Variants in VRK1 observed in about 807,000 individuals in gnomAD.
VRK1 encodes VRK serine/threonine kinase 1.
A neutral mutation model predicts 57.1 loss-of-function variants in VRK1; 33 were observed. That is an observed-to-expected ratio of 0.58 (90% CI 0.44 to 0.77). The LOEUF is 0.77. VRK1 is among the 30% of genes least tolerant of loss of function. VRK1 has a pLI of 0.00. For missense variants in VRK1, 413 were observed against 477.3 expected (o/e 0.87, Z 1.25); for synonymous variants, 137 against 147.8 (o/e 0.93, Z 0.53).
chr14:96,872,440 G>A (rs10146571), intron 11 of VRK1, among the ~76,000 whole-genome samples: 95,241 of 151,994 alleles, frequency 0.63, 30,694 homozygotes, highest in African/African-American at 0.69. Context: ...GGGAACATAC[G>A]TAGTAGAAGA....
intron 10 of VRK1, among the ~76,000 whole-genome samples, chr14:96,859,878 A>T (rs1888315718): frequency 6.6e-6 from 1 of 152,188 alleles, no homozygotes; most frequent in Non-Finnish European, 1.5e-5. Context: ...AAGGACCAGT[A>T]TATGAAATGA....
At chr14:96,846,744 C>A (rs900638665) in intron 4 of VRK1, among the ~76,000 whole-genome samples, 35 of 147,528 alleles carry the variant, frequency 2.4e-4, no homozygotes, top group African/African-American at 7.7e-4. Context: ...TAAAAAATAA[C>A]AATTCAATAA....
chr14:96,878,252 T>A (rs1321003301), intron 12 of VRK1, among the ~76,000 whole-genome samples: 1 of 152,252 alleles, frequency 6.6e-6, no homozygotes, highest in Non-Finnish European at 1.5e-5. Context: ...TGTATATTTT[T>A]AAATTTATCA....
At chr14:96,862,917 G>C (rs1371946184) in intron 11 of VRK1, among the ~76,000 whole-genome samples, 1 of 152,080 alleles carries the variant, frequency 6.6e-6, no homozygotes, top group Admixed American at 6.6e-5. Context: ...TTTTGGAAAG[G>C]GGTAGGTTTA....
intron 11 of VRK1, among the ~76,000 whole-genome samples, chr14:96,862,444 T>A (rs184418017): frequency 6.2e-4 from 94 of 152,204 alleles, no homozygotes; most frequent in African/African-American, 2.2e-3. Context: ...TAATAAAAGT[T>A]AAGGTTAGGT....
At position 96,837,801 on chromosome 14, in the gene VRK1, C is replaced by A; in HGVS notation, c.200C>A (p.Pro67His). The A allele has an allele frequency of 6.4e-7, 1 of 1,556,096 alleles. No homozygotes were observed. The highest frequency in any genetic ancestry group is 1.3e-5 in the South Asian group (1 of 78,244). ...NSSESVGSDA[P>H]CVVKVEPSDN... The stretch of plus-strand genomic sequence containing the variant: ...TCAGAGTCAGTTGGCAGTGATGCAC[C>A]TTGTGTTGTAAAAGTGGTAAGAAAT... The change falls in exon 3 of 13, where the codon CCT becomes CAT. Residue 67 changes from proline (P) to histidine (H), a missense_variant. Physicochemically the swap from Pro to His is moderately conservative, Grantham distance 77. Coordinates refer to ENST00000216639, the MANE Select transcript of VRK1 (RefSeq NM_003384.3).
Position 96,860,578 on chromosome 14 carries a change from A to C in VRK1, c.911A>C (p.Glu304Ala). ...TTAGGTGAAATTGCCAAATACATGG[A>C]AACAGTGAAATTACTAGACTACACT... ...NKPGEIAKYM[E>A]TVKLLDYTEK... Residue 304 changes from glutamate to alanine, a missense_variant, in exon 11 of 13, where the codon GAA (glutamate) becomes GCA (alanine). Physicochemically the swap from Glu to Ala is moderately radical, Grantham distance 107. This residue lies in a region of VRK1 where 146 missense variants were observed against 138.2 expected (regional missense o/e 1.06). Coordinates refer to ENST00000216639, the MANE Select transcript of VRK1 (RefSeq NM_003384.3). 2 of 1,612,942 alleles carry C rather than the reference A, an allele frequency of 1.2e-6. No homozygotes were observed.
intron 1 of VRK1, among the ~76,000 whole-genome samples, chr14:96,816,752 T>A (rs1232863207): frequency 6.6e-6 from 1 of 151,264 alleles, no homozygotes; most frequent in Non-Finnish European, 1.5e-5. Context: ...AATGGGAAAT[T>A]TTACAGGACA....
At position 96,862,538 on chromosome 14, in the gene VRK1, A is replaced by G. The variant is rs142507501; in HGVS notation, c.1068+1803A>G. On this transcript the variant is annotated intron_variant, in intron 11 of 12. Coordinates refer to ENST00000216639, the MANE Select transcript of VRK1 (RefSeq NM_003384.3). ...TTTTTTTTTTTTGTAAAGTGAAAGA[A>G]CTGGACCAGACCAGTTTTTTTTCAA... Among the ~76,000 whole-genome samples the G allele has an allele frequency of 2.6e-5, 4 of 151,350 alleles. No individual in the cohort carries two copies. The East Asian group carries it at 7.8e-4, about 29-fold the overall frequency.
chr14:96,826,246 A>G (rs891707935), intron 1 of VRK1, among the ~76,000 whole-genome samples: 2 of 152,196 alleles, frequency 1.3e-5, no homozygotes, highest in African/African-American at 2.4e-5. Flanking sequence ...GCTGACTATT[A>G]ATTAGGGTAT....
chr14:96,842,850 C>T (rs1233427717), intron 3 of VRK1, among the ~76,000 whole-genome samples: 1 of 152,172 alleles, frequency 6.6e-6, no homozygotes, highest in Non-Finnish European at 1.5e-5. Flanking sequence ...AATCTTGTGG[C>T]TGGCACATTT....
At chr14:96,832,147 G>A (rs925406777) in intron 1 of VRK1, among the ~76,000 whole-genome samples, 4 of 151,990 alleles carry the variant, frequency 2.6e-5, no homozygotes, top group African/African-American at 9.7e-5. Context: ...AATTAATAAG[G>A]AACATTTTCA....
At chr14:96,818,193 CTG>C (rs1886464981) in intron 1 of VRK1, among the ~76,000 whole-genome samples, 1 of 152,198 alleles carries the variant, frequency 6.6e-6, no homozygotes, top group Non-Finnish European at 1.5e-5. Flanking sequence ...ATGTACCACA[CTG>C]TGCATTCTCA....
At chr14:96,857,723 C>CTCAGTTGTCTCCTTT (rs1248916621) in intron 10 of VRK1, among the ~76,000 whole-genome samples, 1 of 152,166 alleles carries the variant, frequency 6.6e-6, no homozygotes, top group Non-Finnish European at 1.5e-5. Flanking sequence ...TAAGCCTTTG[C>CTCAGTTGTCTCCTTT]TCAGTTGTCT....
In VRK1 at chr14:96,860,548, T is replaced by C; in HGVS notation, c.890-9T>C. On this transcript the variant is annotated splice_polypyrimidine_tract_variant and intron_variant, in intron 10 of 12. Coordinates refer to ENST00000216639, the MANE Select transcript of VRK1 (RefSeq NM_003384.3). ...TGAAAGTTATAAAATGATTGTGTTATTCTTTTAGGTGAAATTGCCAAATAC... is the reference window on the plus strand; with the variant it reads ...TGAAAGTTATAAAATGATTGTGTTACTCTTTTAGGTGAAATTGCCAAATAC... 1 of 1,610,276 alleles carries C rather than the reference T, an allele frequency of 6.2e-7. No homozygotes were observed. The highest frequency in any genetic ancestry group is 8.5e-7 in the Non-Finnish European group (1 of 1,177,200).
At chr14:96,855,583 T>TTA (rs1888123535) in intron 8 of VRK1, among the ~76,000 whole-genome samples, 1 of 152,160 alleles carries the variant, frequency 6.6e-6, no homozygotes, top group Non-Finnish European at 1.5e-5. Context: ...ACCAAGAAGG[T>TTA]GGTAGTGGTT....
chr14:96,839,193 C>T (rs1171197879), intron 3 of VRK1, among the ~76,000 whole-genome samples: 6 of 149,686 alleles, frequency 4.0e-5, no homozygotes, highest in South Asian at 2.1e-4. Flanking sequence ...CTCAGCATAA[C>T]GTTTTAATGG....
At chr14:96,800,447 A>G (rs1474528516) in intron 1 of VRK1, among the ~76,000 whole-genome samples, 1 of 152,196 alleles carries the variant, frequency 6.6e-6, no homozygotes, top group African/African-American at 2.4e-5. Context: ...TAGAAAATCT[A>G]GAGAGGTACG....
intron 1 of VRK1, among the ~76,000 whole-genome samples, chr14:96,807,223 A>G (rs1885915753): frequency 1.3e-5 from 2 of 152,232 alleles, no homozygotes; most frequent in Admixed American, 6.5e-5. Flanking sequence ...TTTGACCATT[A>G]GAAAATTCTT....
Sources: gnomAD v4.1 joint callset for allele counts (sites outside exome capture counted in the v4.1 genomes callset) on GRCh38, gnomAD v4.1.1 for gene constraint, gnomAD v4.1.1 regional missense constraint, MANE v1.5 for transcripts, NCBI Gene and HGNC (gene_info 2026-07-23, HGNC 2026-07-21) for gene names.